DCTN1: variants seen among roughly 807,000 people sequenced by gnomAD.
DCTN1 encodes the protein 150 kDa dynein-associated polypeptide.
DCTN1 carries 61 observed loss-of-function variants against 161.2 expected under a neutral mutation model. The ratio of observed to expected loss-of-function variants is 0.38; its 90% CI spans 0.31 to 0.47. DCTN1 has a LOEUF of 0.47. DCTN1 is among the 20% of genes least tolerant of loss of function. The probability of loss-of-function intolerance (pLI) is 0.99; values close to 1 mark genes in which losing one functional copy is unlikely to be tolerated. For synonymous variants in DCTN1, 653 were observed against 632.4 expected, an observed-to-expected ratio of 1.03 and a Z score of -0.49; for missense variants, 1,404 against 1,623.7, an observed-to-expected ratio of 0.86 and a Z score of 2.33.
At chr2:74,367,540 C>T (rs1674513810) in intron 18 of DCTN1, 120 bp from the exon 19 acceptor site, 2 of 1,476,030 alleles carry the variant, frequency 1.4e-6, no homozygotes, top group Non-Finnish European at 9.4e-7. Context: ...AATCCAAAGC[C>T]CTCAAGCAGC....
rs748563665 is a variant in DCTN1, at chr2:74,370,353, G to C, written c.1128-8C>G. 5.6e-6 allele frequency: 9 copies of C among 1,613,852 alleles called. No individual in the cohort carries two copies. Among genetic ancestry groups the C allele is most frequent in the Non-Finnish European group, 5.1e-6 (6 of 1,180,044 alleles). ...GAAGAAAGATCCCGCATCCTGCAGG[G>C]ATGTGAGGAAGGCAGAAGGAGGAAA... is the stretch of plus-strand genomic sequence containing the variant. On this transcript the variant is annotated splice_region_variant and splice_polypyrimidine_tract_variant and intron_variant, in intron 11 of 31. Coordinates refer to ENST00000628224, the MANE Select transcript of DCTN1 (RefSeq NM_004082.5). This position sits in a 1 kb window ranked among gnomAD's most constrained non-coding sequence, Gnocchi z 4.4.
upstream of DCTN1, chr2:74,380,551 A>G (rs561117361): frequency 4.2e-6 from 2 of 472,120 alleles, no homozygotes; most frequent in South Asian, 3.1e-5. Context: ...GCCCATAAGC[A>G]TCAAGTGACA....
At chr2:74,387,546 T>A (rs1675788898) in intron 1 of DCTN1, among the ~76,000 whole-genome samples, 1 of 152,228 alleles carries the variant, frequency 6.6e-6, no homozygotes, top group Admixed American at 6.5e-5. Flanking sequence ...TCTTTGCTAT[T>A]GGCACCACCA....
At position 74,380,299 on chromosome 2, in the gene DCTN1, T is replaced by A. The variant is rs886056336; in HGVS notation, c.-262A>T. ...ACACAGAATCCTGCTTGCCAGCTGA[T>A]GAGTCTCACTCTGCGCTAGTGCTGC... On this transcript the variant is annotated 5_prime_UTR_variant, in exon 1 of 32. Transcript: ENST00000628224. 1.7e-6 allele frequency: 1 copy of A among 595,750 alleles called. No homozygotes were observed. The highest frequency in any genetic ancestry group is 2.5e-5 in the Admixed American group (1 of 40,322). 36.9% of individuals were successfully genotyped at this position (595,750 alleles called of 1,614,324 possible).
chr2:74,384,618 A>G (rs1459730341), upstream of DCTN1, among the ~76,000 whole-genome samples: 1 of 152,244 alleles, frequency 6.6e-6, no homozygotes, highest in Non-Finnish European at 1.5e-5. Context: ...ATTTTGGAGA[A>G]TGAAAAAGGA....
At chr2:74,368,920 G>A in intron 15 of DCTN1, 40 bp from the exon 16 acceptor site, 1 of 1,612,192 alleles carries the variant, frequency 6.2e-7, no homozygotes, top group Non-Finnish European at 8.5e-7. Flanking sequence ...AGCCAGAGCT[G>A]AAAGAGCCCC....
intron 4 of DCTN1, 79 bp from the exon 5 acceptor site, chr2:74,376,841 C>A: frequency 7.3e-7 from 1 of 1,368,902 alleles, no homozygotes; most frequent in Non-Finnish European, 1.0e-6. Context: ...CGGGCTTACA[C>A]AGGTTAGACG....
At chr2:74,381,515 A>C (rs1675509073), upstream of DCTN1, among the ~76,000 whole-genome samples, 1 of 152,020 alleles carries the variant, frequency 6.6e-6, no homozygotes, top group African/African-American at 2.4e-5. Flanking sequence ...TCCCTGCAAA[A>C]TCTCCATGTC....
rs762313810 is a variant in DCTN1 at position 74,377,737 on chromosome 2, ATTCAATATAGCCAGATCAATAGT to A, written c.280-34_280-12del. 3.7e-6 allele frequency: 6 copies of A among 1,610,180 alleles called. No homozygotes were observed. Among genetic ancestry groups the A allele is most frequent in the Non-Finnish European group, 5.1e-6 (6 of 1,176,442 alleles). On this transcript the variant is annotated splice_polypyrimidine_tract_variant and intron_variant, in intron 2 of 31. Transcript: ENST00000628224. ...TTCAAATACCTGGATCTGAGGCCAGATTCAATATAGCCAGATCAATAGTTTCAATATAGCCAGATCAAGGACGG... is the reference window on the plus strand; with the variant it reads ...TTCAAATACCTGGATCTGAGGCCAGATTCAATATAGCCAGATCAAGGACGG...
rs773517017 is a variant in DCTN1 at position 74,368,824 on chromosome 2, G to C, written c.1758C>G (p.Ser586=). ...TGTCAGGCATGAAGGCTGTCAGCAG[G>C]GACATGTGTCGATTGGCCTGGGCCA... ...MEVAQANRHM[S]LLTAFMPDSF... is the part of the protein sequence containing the mutation. Residue 586 remains serine, a synonymous_variant, in exon 16 of 32, where the codon TCC becomes TCG. Transcript: ENST00000628224. 1 of 1,614,150 alleles carries C rather than the reference G, an allele frequency of 6.2e-7. No individual in the cohort carries two copies. Among genetic ancestry groups the C allele is most frequent in the African/African-American group, 1.3e-5 (1 of 74,938 alleles).
Position 74,366,902 on chromosome 2 carries a change from G to A in DCTN1, c.2347C>T (p.Leu783=), listed in dbSNP as rs1386037945. The A allele has an allele frequency of 6.2e-7, 1 of 1,614,088 alleles. No individual in the cohort carries two copies. The highest frequency in any genetic ancestry group is 1.7e-5 in the Admixed American group (1 of 60,006). The change falls in exon 21 of 32, where the codon CTG becomes TTG. Residue 783 remains leucine (L), a synonymous_variant. Coordinates refer to ENST00000628224, the MANE Select transcript of DCTN1 (RefSeq NM_004082.5). ...CATGAAGTTTCCAGATCCCGGAGCA[G>A]GAGGGCAATATCTGTAGCCTCCTGC... ...GGQEATDIAL[L]LRDLETSCSD...
chr2:74,364,474 C>T, intron 26 of DCTN1: 1 of 169,304 alleles, frequency 5.9e-6, no homozygotes, highest in Non-Finnish European at 1.3e-5. Context: ...ACAAAGACAG[C>T]AGCAGCCACC....
At chr2:74,374,411 A>G (rs1446611577) in intron 5 of DCTN1, 71 bp from the exon 6 acceptor site, 10 of 1,607,488 alleles carry the variant, frequency 6.2e-6, no homozygotes, top group Middle Eastern at 1.7e-4. Flanking sequence ...GGATAGACAA[A>G]CACACGGAGG....
chr2:74,369,026 G>A lies in DCTN1; in HGVS notation c.1701+72C>T, dbSNP rs967150526. The A allele has an allele frequency of 3.2e-6, 5 of 1,567,980 alleles. No homozygotes were observed. In the South Asian group the frequency reaches 4.4e-5, roughly 14 times the overall value. ...ACCACACAAAGCACCCCTTCCCCCA[G>A]GAATCTGAAGCCCAGACCCCATACC... On this transcript the variant is annotated intron_variant, in intron 15 of 31. Transcript: ENST00000628224. This position sits in a 1 kb window ranked among gnomAD's most constrained non-coding sequence, Gnocchi z 4.9.
upstream of DCTN1, among the ~76,000 whole-genome samples, chr2:74,381,108 T>G (rs1363627347): frequency 6.6e-6 from 1 of 152,250 alleles, no homozygotes; most frequent in Non-Finnish European, 1.5e-5. Flanking sequence ...CTTTTATAAT[T>G]AGAATTGTTT....
intron 16 of DCTN1, 165 bp from the exon 17 acceptor site, chr2:74,368,296 G>A (rs1027134194): frequency 9.0e-6 from 8 of 889,602 alleles, no homozygotes; most frequent in African/African-American, 3.3e-5. Flanking sequence ...TGGGGAAAGG[G>A]TAGTGATGTG....
At position 74,361,397 on chromosome 2, in the gene DCTN1, T is replaced by C. The variant is rs1673975089; in HGVS notation, c.*102A>G. The C allele has an allele frequency of 5.8e-6, 9 of 1,550,546 alleles. No individual in the cohort carries two copies. The Admixed American group carries it at 1.6e-4, about 27-fold the overall frequency. On this transcript the variant is annotated 3_prime_UTR_variant, in exon 32 of 32. Coordinates refer to ENST00000628224, the MANE Select transcript of DCTN1 (RefSeq NM_004082.5). ...GAAGCTGAACGGGGCAGGAAGAGCT[T>C]AACCCACGTTTCTACCTGGGGGCTG...
chr2:74,371,417 C>T (rs991767042), intron 8 of DCTN1, 120 bp downstream of exon 8: 9 of 1,271,560 alleles, frequency 7.1e-6, no homozygotes, highest in Non-Finnish European at 9.8e-6. Context: ...AGGCTATGTC[C>T]TCACCCTTTC....
In DCTN1 at chr2:74,367,708, G is replaced by A. The variant is rs773948368; in HGVS notation, c.2172C>T (p.Ile724=). ...TVNVEPLTKA[I]KYYQHLYSIH... Reference sequence around the variant, plus strand: ...TCTTGCCCCACACCTGATAGTACTTGATGGCCTTGGTGAGAGGCTCCACAT... The same window carrying A: ...TCTTGCCCCACACCTGATAGTACTTAATGGCCTTGGTGAGAGGCTCCACAT... Residue 724 remains isoleucine, a synonymous_variant, in exon 18 of 32, where the codon ATC becomes ATT. Transcript: ENST00000628224. 1 of 1,614,178 alleles carries A rather than the reference G, an allele frequency of 6.2e-7. No individual in the cohort carries two copies. The highest frequency in any genetic ancestry group is 1.1e-5 in the South Asian group (1 of 91,086).
Sources: allele counts gnomAD v4.1 joint callset (sites outside exome capture counted in the v4.1 genomes callset), GRCh38; gene constraint gnomAD v4.1.1; non-coding constraint Gnocchi (gnomAD v3.1); transcripts MANE v1.5; gene names NCBI Gene and HGNC (gene_info 2026-07-23, HGNC 2026-07-21).